EYA4: variants seen among roughly 807,000 people sequenced by gnomAD.
The protein encoded by EYA4 is protein phosphatase EYA4.
Under a neutral mutation model 87.9 loss-of-function variants are expected in EYA4, and 31 were observed. The ratio of observed to expected loss-of-function variants is 0.35; its 90% confidence interval spans 0.27 to 0.48. EYA4 has a LOEUF of 0.48. EYA4 is among the 20% of genes least tolerant of loss of function. The pLI, the probability that EYA4 is intolerant of heterozygous loss-of-function variation, is 0.99. For synonymous variants in EYA4, 263 were observed against 270.6 expected, an observed-to-expected ratio of 0.97 and a Z score of 0.28; for missense variants, 678 against 761.4, an observed-to-expected ratio of 0.89 and a Z score of 1.29.
At chr6:133,462,108 G>A (rs574260591) in intron 7 of EYA4, 22 of 569,838 alleles carry the variant, frequency 3.9e-5, no homozygotes, top group Non-Finnish European at 6.6e-5. Flanking sequence ...TTACAGGTGT[G>A]GTATAGACAT....
chr6:133,523,251 C>A, intron 18 of EYA4, 74 bp downstream of exon 18: 1 of 1,476,908 alleles, frequency 6.8e-7, no homozygotes, highest in Non-Finnish European at 9.4e-7. Context: ...CCTTTTTCAG[C>A]AATTTCACTT....
intron 2 of EYA4, among the ~76,000 whole-genome samples, chr6:133,364,131 T>C (rs1240773034): frequency 3.9e-5 from 6 of 152,222 alleles, no homozygotes; most frequent in Admixed American, 3.9e-4. Context: ...GGAAGTGCTC[T>C]TAGCCCTGGC....
intron 14 of EYA4, among the ~76,000 whole-genome samples, chr6:133,511,255 A>G (rs1027444815): frequency 6.6e-6 from 1 of 152,180 alleles, no homozygotes; most frequent in Non-Finnish European, 1.5e-5. Context: ...AAGCCCAATA[A>G]TGAATATAAA....
intron 2 of EYA4, among the ~76,000 whole-genome samples, chr6:133,295,775 T>C (rs963237756): frequency 6.6e-6 from 1 of 152,198 alleles, no homozygotes; most frequent in Non-Finnish European, 1.5e-5. Context: ...TATATCATAT[T>C]TATTATTCAT....
intron 1 of EYA4, among the ~76,000 whole-genome samples, chr6:133,259,580 A>G (rs946951332): frequency 6.6e-5 from 10 of 152,230 alleles, no homozygotes; most frequent in African/African-American, 2.4e-4. Flanking sequence ...GGATGCCTCA[A>G]TTAAAAATCT....
intron 2 of EYA4, among the ~76,000 whole-genome samples, chr6:133,347,882 C>T (rs940950258): frequency 5.9e-5 from 9 of 152,144 alleles, no homozygotes; most frequent in African/African-American, 1.9e-4. Flanking sequence ...ATTTATGAAC[C>T]GGTCATTCAT....
chr6:133,504,298 T>G (rs1011436193), intron 13 of EYA4, among the ~76,000 whole-genome samples: 1 of 152,152 alleles, frequency 6.6e-6, no homozygotes, highest in African/African-American at 2.4e-5. Context: ...GGGTATATAG[T>G]CCCAAATGGT....
intron 3 of EYA4, among the ~76,000 whole-genome samples, chr6:133,398,879 G>A (rs1300321412): frequency 6.6e-6 from 1 of 152,202 alleles, no homozygotes; most frequent in Non-Finnish European, 1.5e-5. Flanking sequence ...TAGGCACAAA[G>A]AAGAGAAACA....
chr6:133,256,272 A>G (rs1775330082), intron 1 of EYA4, among the ~76,000 whole-genome samples: 1 of 151,602 alleles, frequency 6.6e-6, no homozygotes, highest in Non-Finnish European at 1.5e-5. Flanking sequence ...AATGCATATT[A>G]TATTTACTTA....
At position 133,502,805 on chromosome 6, in the gene EYA4, G is replaced by A. The variant is rs1217933322; in HGVS notation, c.1192-3301G>A. 2.0e-5 allele frequency: 3 copies of A among 151,890 alleles called. No individual in the cohort carries two copies. The East Asian group carries it at 6.1e-4, about 31-fold the overall frequency. The allele number at this position is 151,890 out of a possible 1,614,324, so 9.4% of individuals were successfully genotyped here. ...TTGGCTGATGGCATGACTAGCCCTG[G>A]CCCATCTGTGCCAAGACTTTGGCAT... On this transcript the variant is annotated intron_variant, in intron 13 of 19. Coordinates refer to ENST00000355286, the MANE Select transcript of EYA4 (RefSeq NM_004100.5).
chr6:133,301,581 T>C (rs1779409915), intron 2 of EYA4, among the ~76,000 whole-genome samples: 1 of 152,242 alleles, frequency 6.6e-6, no homozygotes, highest in Non-Finnish European at 1.5e-5. Flanking sequence ...GTATTCTACA[T>C]GTGTTACTTA....
chr6:133,305,370 G>T (rs958168008), intron 2 of EYA4, among the ~76,000 whole-genome samples: 13 of 152,148 alleles, frequency 8.5e-5, no homozygotes, highest in South Asian at 2.1e-4. Flanking sequence ...GCTAGGGCAA[G>T]GGCACGAGGA....
At chr6:133,354,897 C>T (rs1783898917) in intron 2 of EYA4, among the ~76,000 whole-genome samples, 1 of 152,132 alleles carries the variant, frequency 6.6e-6, no homozygotes, top group South Asian at 2.1e-4. Flanking sequence ...TGTTTTTTCA[C>T]ATGAAAGTTT....
chr6:133,248,651 A>G (rs1208295873), intron 1 of EYA4: 3 of 152,210 alleles, frequency 2.0e-5, no homozygotes, highest in Admixed American at 1.3e-4. Flanking sequence ...AGATCTCTAC[A>G]TTACCTAATT....
At chr6:133,406,199 A>C (rs1199497390) in intron 3 of EYA4, among the ~76,000 whole-genome samples, 1 of 152,322 alleles carries the variant, frequency 6.6e-6, no homozygotes, top group East Asian at 1.9e-4. Flanking sequence ...ATTTTAAGGA[A>C]AGTAAAATCT....
chr6:133,314,811 G>A (rs1780503040), intron 2 of EYA4, among the ~76,000 whole-genome samples: 1 of 152,070 alleles, frequency 6.6e-6, no homozygotes, highest in African/African-American at 2.4e-5. Flanking sequence ...ATTTAATAGG[G>A]TAATTTAAAT....
At chr6:133,513,403 A>G (rs564295874) in intron 16 of EYA4, among the ~76,000 whole-genome samples, 7 of 152,226 alleles carry the variant, frequency 4.6e-5, no homozygotes, top group Admixed American at 3.3e-4. Flanking sequence ...GAGAGCCTCA[A>G]TCATTGAAGG....
At chr6:133,431,334 T>C (rs1791163104) in intron 3 of EYA4, among the ~76,000 whole-genome samples, 1 of 152,128 alleles carries the variant, frequency 6.6e-6, no homozygotes, top group African/African-American at 2.4e-5. Context: ...TTGGGGAGAA[T>C]AGGCTGTTCT....
At chr6:133,292,501 T>A (rs982770638) in intron 2 of EYA4, among the ~76,000 whole-genome samples, 2 of 152,224 alleles carry the variant, frequency 1.3e-5, no homozygotes, top group African/African-American at 4.8e-5. Context: ...TGGGTGTTTA[T>A]TACATGAACA....
Sources: gnomAD v4.1 joint callset for allele counts (sites outside exome capture counted in the v4.1 genomes callset) on GRCh38, gnomAD v4.1.1 for gene constraint, MANE v1.5 for transcripts, NCBI Gene and HGNC (gene_info 2026-07-23, HGNC 2026-07-21) for gene names.